NUP153: variants seen among roughly 807,000 people sequenced by gnomAD.
NUP153 encodes the protein nuclear pore complex protein Nup153.
In NUP153, 27 loss-of-function variants were observed where a neutral mutation model predicts 134.6. That is an observed-to-expected ratio of 0.20 (90% CI 0.15 to 0.28). NUP153 has a LOEUF of 0.28. Ranked by LOEUF, NUP153 falls within the 10% of genes least tolerant of loss-of-function variation. The pLI, the probability that NUP153 is intolerant of heterozygous loss-of-function variation, is 1.00. For missense variants in NUP153, 1,821 were observed against 1,731.3 expected, an observed-to-expected ratio of 1.05 and a Z score of -0.92; for synonymous variants, 640 against 623.5, an observed-to-expected ratio of 1.03 and a Z score of -0.40.
chr6:17,663,134 A>G (rs768411173), intron 9 of NUP153, among the ~76,000 whole-genome samples: 5 of 152,110 alleles, frequency 3.3e-5, no homozygotes, highest in African/African-American at 1.2e-4. Context: ...TAATAAGAAC[A>G]CAGAGAAAAA....
rs2150259195 is a variant in NUP153, at chr6:17,706,917, A to G, written c.-530T>C. 1 of 156,058 alleles carries G rather than the reference A, an allele frequency of 6.4e-6. No individual in the cohort carries two copies. The highest frequency in any genetic ancestry group is 3.3e-3 in the Middle Eastern group (1 of 306). 9.7% of individuals were successfully genotyped at this position (156,058 alleles called of 1,614,324 possible). A position where few individuals can be genotyped will look rare whatever the true frequency, so the allele number is the denominator to read the frequency against. Reference sequence around the variant, plus strand: ...TGCTAAGGCGGCTGCCGCGGTCGCGAGCCAGAATGTCGTCACTCATCGGCG... The same window carrying G: ...TGCTAAGGCGGCTGCCGCGGTCGCGGGCCAGAATGTCGTCACTCATCGGCG... On this transcript the variant is annotated 5_prime_UTR_variant, in exon 1 of 22. Coordinates refer to ENST00000262077, the MANE Select transcript of NUP153 (RefSeq NM_005124.4). The surrounding 1 kb of genome is among the most constrained non-coding windows in gnomAD (Gnocchi z 5.9).
rs1016998940 is a variant in NUP153 at position 17,630,591 on chromosome 6, A to C, written c.2660-1052T>G. Among the ~76,000 whole-genome samples, 4 of 152,152 alleles carry C rather than the reference A, an allele frequency of 2.6e-5. No homozygotes were observed. In the South Asian group the frequency reaches 8.3e-4, roughly 32 times the overall value. ...GGCAGGAGAATTGCTTGAGCCCGGG[A>C]GGTAGAAGTTGCAGTGAGCCAAGAT... On this transcript the variant is annotated intron_variant, in intron 17 of 21. Transcript: ENST00000262077.
At chr6:17,647,052 C>T (rs1199568803) in intron 13 of NUP153, among the ~76,000 whole-genome samples, 4 of 151,916 alleles carry the variant, frequency 2.6e-5, no homozygotes, top group East Asian at 1.9e-4. Context: ...CCACCGTGCC[C>T]GGCCTCAAAT....
At position 17,686,029 on chromosome 6, in the gene NUP153, T is replaced by C. The variant is rs566646047; in HGVS notation, c.334+2367A>G. On this transcript the variant is annotated intron_variant, in intron 2 of 21. Coordinates refer to ENST00000262077, the MANE Select transcript of NUP153 (RefSeq NM_005124.4). Reference sequence around the variant, plus strand: ...TGGGCGTGGTAGCACACGCCTATAGTCCCAACTACTTGGGAGGCTGAGGTG... The same window carrying C: ...TGGGCGTGGTAGCACACGCCTATAGCCCCAACTACTTGGGAGGCTGAGGTG... Among the ~76,000 whole-genome samples the C allele has an allele frequency of 2.6e-5, 4 of 152,108 alleles. No individual in the cohort carries two copies. In the South Asian group the frequency reaches 6.2e-4, roughly 24 times the overall value.
chr6:17,637,941 A>C (rs527241101), intron 15 of NUP153, among the ~76,000 whole-genome samples, 171 bp from the exon 16 acceptor site: 1 of 152,344 alleles, frequency 6.6e-6, no homozygotes, highest in East Asian at 1.9e-4. Flanking sequence ...TCAATTACCT[A>C]ATAAGTTACA....
chr6:17,656,946 AATTTCAGTC>A (rs1766855952), intron 11 of NUP153, among the ~76,000 whole-genome samples: 2 of 152,210 alleles, frequency 1.3e-5, no homozygotes, highest in African/African-American at 4.8e-5. Flanking sequence ...AGTTCCAGCC[AATTTCAGTC>A]AGTTTTGTTA....
intron 5 of NUP153, among the ~76,000 whole-genome samples, chr6:17,672,058 A>T (rs1237387669): frequency 6.6e-6 from 1 of 152,136 alleles, no homozygotes; most frequent in African/African-American, 2.4e-5. Flanking sequence ...TGTAGAAACA[A>T]GCCAATTTTA....
intron 20 of NUP153, among the ~76,000 whole-genome samples, chr6:17,619,287 A>G (rs1764518995): frequency 6.6e-6 from 1 of 152,228 alleles, no homozygotes; most frequent in Non-Finnish European, 1.5e-5. Context: ...AGATCCCTGC[A>G]GAGATGTATG....
chr6:17,657,401 T>TAAAAAAAAA (rs140217238), intron 11 of NUP153, among the ~76,000 whole-genome samples: 2 of 140,418 alleles, frequency 1.4e-5, no homozygotes, highest in African/African-American at 5.3e-5. Context: ...AATAAAAAAA[T>TAAAAAAAAA]AAAAAAAAAA....
chr6:17,617,686 T>A (rs865777375), intron 20 of NUP153, among the ~76,000 whole-genome samples: 1 of 151,738 alleles, frequency 6.6e-6, no homozygotes, highest in Admixed American at 6.6e-5. Flanking sequence ...CTATAAAAAA[T>A]TTTTCAAAAT....
chr6:17,638,306 T>C lies in NUP153; in HGVS notation c.1847-536A>G, dbSNP rs1004449087. Among the ~76,000 whole-genome samples, 2 of 152,222 alleles carry C rather than the reference T, an allele frequency of 1.3e-5. No individual in the cohort carries two copies. Among genetic ancestry groups the C allele is most frequent in the Non-Finnish European group, 2.9e-5 (2 of 68,046 alleles). ...TGTCATTGAGTTCATTCACTCAAGC[T>C]GTATTTTACTCATGAGAATGACTTT... is the stretch of plus-strand genomic sequence containing the variant. On this transcript the variant is annotated intron_variant, in intron 15 of 21. Coordinates refer to ENST00000262077, the MANE Select transcript of NUP153 (RefSeq NM_005124.4). The surrounding 1 kb of genome is among the most constrained non-coding windows in gnomAD (Gnocchi z 4.0).
chr6:17,656,038 C>T (rs1766796976), intron 11 of NUP153, among the ~76,000 whole-genome samples: 1 of 152,090 alleles, frequency 6.6e-6, no homozygotes, highest in African/African-American at 2.4e-5. Context: ...AACCCCATCT[C>T]TACTAACAAT....
chr6:17,675,490 C>A lies in NUP153; in HGVS notation c.583+32G>T. The stretch of plus-strand genomic sequence containing the variant: ...AACCCATAAAATTTAATGTTACTAC[C>A]CAAATTATGTACTACCACATGTCAA... On this transcript the variant is annotated intron_variant, in intron 3 of 21. Coordinates refer to ENST00000262077, the MANE Select transcript of NUP153 (RefSeq NM_005124.4). This position sits in a 1 kb window ranked among gnomAD's most constrained non-coding sequence, Gnocchi z 4.4. 2 of 1,608,766 alleles carry A rather than the reference C, an allele frequency of 1.2e-6. No homozygotes were observed. Among genetic ancestry groups the A allele is most frequent in the South Asian group, 2.2e-5 (2 of 89,784 alleles).
In NUP153 at chr6:17,625,613, G is replaced by T. The variant is rs143450371; in HGVS notation, c.3901+195C>A. Among the ~76,000 whole-genome samples, 34 of 152,238 alleles carry T rather than the reference G, an allele frequency of 2.2e-4. No homozygotes were observed. The East Asian group carries it at 6.2e-3, about 28-fold the overall frequency. On this transcript the variant is annotated intron_variant, in intron 19 of 21. Transcript: ENST00000262077. This position sits in a 1 kb window ranked among gnomAD's most constrained non-coding sequence, Gnocchi z 4.7. Reference sequence around the variant, plus strand: ...CAATTAGAAAAATTGCTCCCAAGAGGTAAATATGTTAAAGTTGAACACAGA... The same window carrying T: ...CAATTAGAAAAATTGCTCCCAAGAGTTAAATATGTTAAAGTTGAACACAGA...
At chr6:17,703,217 AAAAAAAAAAT>A (rs1770244634) in intron 1 of NUP153, among the ~76,000 whole-genome samples, 3 of 146,724 alleles carry the variant, frequency 2.0e-5, no homozygotes, top group African/African-American at 7.7e-5. Flanking sequence ...AAAAAAAATT[AAAAAAAAAAT>A]AAGTTAAAGA....
In NUP153 at chr6:17,640,077, T is replaced by A. The variant is rs1212327713; in HGVS notation, c.1721-13A>T. On this transcript the variant is annotated splice_polypyrimidine_tract_variant and intron_variant, in intron 14 of 21. Transcript: ENST00000262077. ...GTGACATGATGAGCTGTAATTTTTTTAAATTTAATAACATTATGCCAAATA... is the reference window on the plus strand; with the variant it reads ...GTGACATGATGAGCTGTAATTTTTTAAAATTTAATAACATTATGCCAAATA... The A allele has an allele frequency of 6.5e-6, 10 of 1,532,410 alleles. No individual in the cohort carries two copies. Among genetic ancestry groups the A allele is most frequent in the South Asian group, 1.3e-5 (1 of 78,484 alleles). The allele number at this position is 1,532,410 out of a possible 1,614,324, so 94.9% of individuals were successfully genotyped here.
At chr6:17,666,068 T>C (rs1308950691) in intron 8 of NUP153, among the ~76,000 whole-genome samples, 1 of 151,490 alleles carries the variant, frequency 6.6e-6, no homozygotes, top group African/African-American at 2.4e-5. Flanking sequence ...CAAGCAATCC[T>C]TCTGCCTCAG....
rs990201361 is a variant in NUP153, at chr6:17,632,737, C to T, written c.2572G>A (p.Glu858Lys). The T allele has an allele frequency of 1.2e-6, 2 of 1,613,654 alleles. No individual in the cohort carries two copies. Among genetic ancestry groups the T allele is most frequent in the East Asian group, 2.2e-5 (1 of 44,846 alleles). Reference protein sequence around the residue: ...FKKPEGSWDCELCLVQNKADS... With the variant: ...FKKPEGSWDCKLCLVQNKADS... ...GCCTTATTCTGCACTAGGCACAATT[C>T]ACAGTCCCAGCTTCCCTCGGGTTTC... The change falls in exon 17 of 22, where the codon GAA becomes AAA. Residue 858 changes from glutamate to lysine, a missense_variant. Coordinates refer to ENST00000262077, the MANE Select transcript of NUP153 (RefSeq NM_005124.4).
At chr6:17,687,528 A>G (rs1267859502) in intron 2 of NUP153, among the ~76,000 whole-genome samples, 1 of 152,248 alleles carries the variant, frequency 6.6e-6, no homozygotes, top group Admixed American at 6.5e-5. Flanking sequence ...GAACATTACT[A>G]AGAAAAATTA....
Sources: allele counts gnomAD v4.1 joint callset (sites outside exome capture counted in the v4.1 genomes callset), GRCh38; gene constraint gnomAD v4.1.1; non-coding constraint Gnocchi (gnomAD v3.1); transcripts MANE v1.5; gene names NCBI Gene and HGNC (gene_info 2026-07-23, HGNC 2026-07-21).